Variants in CACNA1E observed in about 807,000 individuals in gnomAD.
The protein encoded by CACNA1E is voltage-dependent R-type calcium channel subunit alpha-1E.
In CACNA1E, 40 loss-of-function variants were observed where a neutral mutation model predicts 259.2. The observed-to-expected ratio is 0.15, with a 90% confidence interval of 0.12 to 0.20. The LOEUF (loss-of-function observed/expected upper bound fraction) is 0.20, where lower values mean the gene tolerates loss of function less well. Ranked by LOEUF, CACNA1E falls within the 10% of genes least tolerant of loss-of-function variation. CACNA1E has a pLI of 1.00. For synonymous variants in CACNA1E, 1,104 were observed against 1,138.5 expected (o/e 0.97, Z 0.61); for missense variants, 1,874 against 3,040.1 (o/e 0.62, Z 9.02).
At chr1:181,362,534 G>A (rs1653962950) in intron 1 of CACNA1E, among the ~76,000 whole-genome samples, 1 of 152,196 alleles carries the variant, frequency 6.6e-6, no homozygotes, top group Admixed American at 6.5e-5. Flanking sequence ...GATACTGTTT[G>A]CCTCACACAT....
intron 2 of CACNA1E, among the ~76,000 whole-genome samples, chr1:181,473,120 A>G (rs936662204): frequency 4.6e-5 from 7 of 152,224 alleles, no homozygotes; most frequent in Admixed American, 2.0e-4. Context: ...AACACCGCAT[A>G]GTATTTGTAT....
intron 18 of CACNA1E, among the ~76,000 whole-genome samples, chr1:181,726,512 T>C (rs575020776): frequency 1.3e-5 from 2 of 152,164 alleles, no homozygotes; most frequent in South Asian, 4.1e-4. Context: ...TAGATGACAG[T>C]CATGTGACAT....
intron 3 of CACNA1E, among the ~76,000 whole-genome samples, chr1:181,535,886 C>T (rs1668134821): frequency 6.6e-6 from 1 of 151,978 alleles, no homozygotes; most frequent in African/African-American, 2.4e-5. Flanking sequence ...GGGGTTTCAC[C>T]ATGTTGGCCA....
At chr1:181,544,049 A>C (rs1380762994) in intron 3 of CACNA1E, among the ~76,000 whole-genome samples, 1 of 152,214 alleles carries the variant, frequency 6.6e-6, no homozygotes, top group Non-Finnish European at 1.5e-5. Context: ...CACAATAGAC[A>C]AAAAGTATCC....
intron 7 of CACNA1E, among the ~76,000 whole-genome samples, chr1:181,653,419 A>G (rs925078619): frequency 6.6e-6 from 1 of 152,132 alleles, no homozygotes; most frequent in Non-Finnish European, 1.5e-5. Flanking sequence ...CTGCCAAGTG[A>G]GATGTGCCTT....
At chr1:181,441,326 A>G (rs1321276318) in intron 2 of CACNA1E, among the ~76,000 whole-genome samples, 1 of 152,110 alleles carries the variant, frequency 6.6e-6, no homozygotes, top group Non-Finnish European at 1.5e-5. Context: ...TAATTTTTGT[A>G]TTGTTAGTAG....
chr1:181,733,586 C>T lies in CACNA1E; in HGVS notation c.3098C>T (p.Ala1033Val). Residue 1033 changes from alanine (A) to valine (V), a missense_variant, in exon 21 of 48, where the codon GCC becomes GTC. Around this residue, in one of 14 missense-constraint regions of CACNA1E, gnomAD observed 476 missense variants for 514.0 expected, o/e 0.93. Coordinates refer to ENST00000367573, the MANE Select transcript of CACNA1E (RefSeq NM_001205293.3). ...EQEPEGSSEQALLGNVQLDMG... is the reference protein window; with the variant it reads ...EQEPEGSSEQVLLGNVQLDMG... Reference sequence around the variant, plus strand: ...GAGCCAGAAGGCAGCAGTGAGCAGGCCCTGCTGGGGAATGTGCAGCTAGAC... The same window carrying T: ...GAGCCAGAAGGCAGCAGTGAGCAGGTCCTGCTGGGGAATGTGCAGCTAGAC... 24 of 1,612,864 alleles carry T rather than the reference C, an allele frequency of 1.5e-5. No individual in the cohort carries two copies. The highest frequency in any genetic ancestry group is 2.0e-5 in the Non-Finnish European group (24 of 1,179,416).
intron 7 of CACNA1E, among the ~76,000 whole-genome samples, chr1:181,662,548 T>C (rs1293963050): frequency 6.6e-6 from 1 of 152,192 alleles, no homozygotes; most frequent in Admixed American, 6.5e-5. Flanking sequence ...AGTTACCCAA[T>C]TGTGAATAAG....
chr1:181,580,483 A>G lies in CACNA1E; in HGVS notation c.770-112A>G. The G allele has an allele frequency of 6.1e-6, 6 of 982,592 alleles. No homozygotes were observed. In the South Asian group the frequency reaches 8.6e-5, roughly 14 times the overall value. The allele number at this position is 982,592 out of a possible 1,614,324, so 60.9% of individuals were successfully genotyped here. On this transcript the variant is annotated intron_variant, in intron 5 of 47. Coordinates refer to ENST00000367573, the MANE Select transcript of CACNA1E (RefSeq NM_001205293.3). ...GAGGGAGCCTGAGACAAAAAAGGGC[A>G]GGCCTCTTTCCGTGGGGGAATGGAA...
At chr1:181,491,281 C>G (rs1167465602) in intron 1 of CACNA1E, among the ~76,000 whole-genome samples, 1 of 152,190 alleles carries the variant, frequency 6.6e-6, no homozygotes, top group Admixed American at 6.5e-5. Flanking sequence ...CATAGGCGGT[C>G]TGCCCGTTTC....
intron 1 of CACNA1E, among the ~76,000 whole-genome samples, chr1:181,352,594 G>A (rs1653119798): frequency 6.6e-6 from 1 of 152,070 alleles, no homozygotes; most frequent in Admixed American, 6.5e-5. Flanking sequence ...TAATGCATTG[G>A]TCTCTCTCTT....
chr1:181,527,967 T>G (rs2102711464), intron 3 of CACNA1E, among the ~76,000 whole-genome samples: 1 of 152,342 alleles, frequency 6.6e-6, no homozygotes, highest in Non-Finnish European at 1.5e-5. Flanking sequence ...CAGCATCTTT[T>G]AAACCAGTTT....
At chr1:181,687,444 C>T (rs992231468) in intron 7 of CACNA1E, among the ~76,000 whole-genome samples, 12 of 152,122 alleles carry the variant, frequency 7.9e-5, no homozygotes, top group Non-Finnish European at 1.3e-4. Context: ...CCTCAGCTGG[C>T]TAAGTCTGAG....
chr1:181,684,163 T>C (rs1006682757), intron 7 of CACNA1E, among the ~76,000 whole-genome samples: 5 of 152,228 alleles, frequency 3.3e-5, no homozygotes, highest in African/African-American at 1.2e-4. Context: ...TGACTTTTAA[T>C]AATGGCCATT....
chr1:181,342,210 G>A (rs889327734), intron 1 of CACNA1E, among the ~76,000 whole-genome samples: 10 of 152,180 alleles, frequency 6.6e-5, no homozygotes, highest in Non-Finnish European at 1.3e-4. Flanking sequence ...CCAGAGGCTG[G>A]TGAGGCATTA....
chr1:181,672,960 C>T (rs574072880), intron 7 of CACNA1E, among the ~76,000 whole-genome samples: 1 of 152,014 alleles, frequency 6.6e-6, no homozygotes, highest in Non-Finnish European at 1.5e-5. Context: ...GGGGTTTTGG[C>T]CTGGGTTCCC....
At chr1:181,734,720 C>T (rs1655870587) in intron 21 of CACNA1E, among the ~76,000 whole-genome samples, 2 of 141,612 alleles carry the variant, frequency 1.4e-5, no homozygotes, top group Non-Finnish European at 3.1e-5. Flanking sequence ...CACACCTCAT[C>T]CCTGCATTAT....
At chr1:181,415,950 G>A (rs1312586121) in intron 2 of CACNA1E, among the ~76,000 whole-genome samples, 1 of 152,198 alleles carries the variant, frequency 6.6e-6, no homozygotes, top group Non-Finnish European at 1.5e-5. Context: ...ACAGCACTGG[G>A]TTTTTGAGAA....
At chr1:181,588,050 A>G (rs1476256346) in intron 6 of CACNA1E, among the ~76,000 whole-genome samples, 1 of 152,168 alleles carries the variant, frequency 6.6e-6, no homozygotes, top group African/African-American at 2.4e-5. Context: ...CCCCAGTGGA[A>G]GGAGAGTGAG....
Sources: gnomAD v4.1 joint callset for allele counts (sites outside exome capture counted in the v4.1 genomes callset) on GRCh38, gnomAD v4.1.1 for gene constraint, gnomAD v4.1.1 regional missense constraint, MANE v1.5 for transcripts, NCBI Gene and HGNC (gene_info 2026-07-23, HGNC 2026-07-21) for gene names.